The following PTPRN2 variants were observed in gnomAD, a reference collection of about 807,000 sequenced individuals.
The protein encoded by PTPRN2 is receptor-type tyrosine-protein phosphatase N2.
Under a neutral mutation model 118.8 loss-of-function variants are expected in PTPRN2, and 74 were observed. The ratio of observed to expected loss-of-function variants is 0.62; its 90% CI spans 0.52 to 0.76. The LOEUF is 0.76. PTPRN2 is among the 30% of genes least tolerant of loss of function. PTPRN2 has a pLI of 0.00. For synonymous variants in PTPRN2, 641 were observed against 608.0 expected, an observed-to-expected ratio of 1.05 and a Z score of -0.80; for missense variants, 1,481 against 1,394.4, an observed-to-expected ratio of 1.06 and a Z score of -0.99.
At chr7:158,261,537 C>T (rs1461773805) in intron 3 of PTPRN2, among the ~76,000 whole-genome samples, 1 of 152,178 alleles carries the variant, frequency 6.6e-6, no homozygotes, top group Non-Finnish European at 1.5e-5. Flanking sequence ...GAAGGGATGG[C>T]TCCCCTGCCA....
At chr7:158,273,967 T>G (rs1256829141) in intron 3 of PTPRN2, among the ~76,000 whole-genome samples, 4 of 64,584 alleles carry the variant, frequency 6.2e-5, no homozygotes, top group Non-Finnish European at 5.4e-5. Flanking sequence ...CAGACAGACA[T>G]GGGAGGAGCC....
intron 10 of PTPRN2, among the ~76,000 whole-genome samples, chr7:158,099,726 A>C (rs1202398941): frequency 1.2e-3 from 2 of 1,712 alleles, no homozygotes; most frequent in Non-Finnish European, 1.0e-3. Context: ...CCCCCACATC[A>C]CCGGCTGCCT....
At chr7:158,178,798 C>T (rs1324125883) in intron 5 of PTPRN2, among the ~76,000 whole-genome samples, 2 of 151,876 alleles carry the variant, frequency 1.3e-5, no homozygotes, top group African/African-American at 4.8e-5. Flanking sequence ...GAGGTTTCAT[C>T]ATGTTGGCCA....
At chr7:158,270,857 C>CTCCACCTGGATGACCCCCT (rs1406778101) in intron 3 of PTPRN2, among the ~76,000 whole-genome samples, 1 of 31,882 alleles carries the variant, frequency 3.1e-5, no homozygotes, top group Non-Finnish European at 5.7e-5. Context: ...GGACCGCCCC[C>CTCCACCTGGATGACCCCCT]CCACCTGGAC....
rs867391117 is a variant in PTPRN2 at position 158,171,262 on chromosome 7, T to C, written c.550-3971A>G. ...ATACACATATATACACACATATATATACACACATATATACACACATATATA... is the reference window on the plus strand; with the variant it reads ...ATACACATATATACACACATATATACACACACATATATACACACATATATA... On this transcript the variant is annotated intron_variant, in intron 5 of 22. Transcript: ENST00000389418. 2.5e-3 allele frequency among the ~76,000 whole-genome samples: 240 copies of C among 94,998 alleles called. 20 individuals carry two copies. The highest frequency in any genetic ancestry group is 9.3e-3 in the African/African-American group (220 of 23,724). 62.3% of individuals were successfully genotyped at this position (94,998 alleles called of 152,430 possible).
chr7:158,294,967 G>A (rs1413877836), intron 3 of PTPRN2, among the ~76,000 whole-genome samples: 1 of 142,310 alleles, frequency 7.0e-6, no homozygotes, highest in African/African-American at 2.8e-5. Flanking sequence ...CAAGCCCACG[G>A]CGCCCGCTGA....
At chr7:158,395,687 CGCGAGGG>C (rs1345145041) in intron 2 of PTPRN2, among the ~76,000 whole-genome samples, 1 of 6,636 alleles carries the variant, frequency 1.5e-4, no homozygotes, top group Non-Finnish European at 2.6e-4. Flanking sequence ...AGGGGCGAGG[CGCGAGGG>C]GCGAGGGGCG....
At chr7:158,312,727 A>G (rs1228533170) in intron 3 of PTPRN2, among the ~76,000 whole-genome samples, 1 of 2,448 alleles carries the variant, frequency 4.1e-4, no homozygotes, top group Admixed American at 4.8e-3. Flanking sequence ...ATAGATACCC[A>G]CACACACACA....
chr7:158,131,520 C>T (rs111204877), intron 9 of PTPRN2, among the ~76,000 whole-genome samples: 77 of 146,162 alleles, frequency 5.3e-4, no homozygotes, highest in African/African-American at 1.8e-3. Context: ...CTACCCGACA[C>T]ACACACTCAT....
At chr7:157,850,239 G>A (rs894923095) in intron 12 of PTPRN2, among the ~76,000 whole-genome samples, 2 of 152,138 alleles carry the variant, frequency 1.3e-5, no homozygotes, top group African/African-American at 4.8e-5. Context: ...GGAGCCTCAG[G>A]CTCACATAAG....
At chr7:157,568,786 G>A (rs139241491) in intron 21 of PTPRN2, 116 bp downstream of exon 21, 99 of 1,033,654 alleles carry the variant, frequency 9.6e-5, no homozygotes, top group African/African-American at 8.9e-4. Flanking sequence ...GCCCAGCAGA[G>A]GCACAACAAG....
chr7:157,738,939 G>A (rs1448090171), intron 12 of PTPRN2: 1 of 152,224 alleles, frequency 6.6e-6, no homozygotes, highest in South Asian at 2.1e-4. Context: ...TGCAGCCCAG[G>A]AGACAGAGCA....
rs184912887 is a variant in PTPRN2, at chr7:158,525,124, G to A, written c.113-35339C>T. Among the ~76,000 whole-genome samples, 41 of 152,254 alleles carry A rather than the reference G, an allele frequency of 2.7e-4. No homozygotes were observed. In the East Asian group the frequency reaches 5.8e-3, roughly 22 times the overall value. ...GGCCCTCCATGCGAAGAAATGCTGCGTCCCAGGCCCTGCACAGTGCTGGAC... is the reference window on the plus strand; with the variant it reads ...GGCCCTCCATGCGAAGAAATGCTGCATCCCAGGCCCTGCACAGTGCTGGAC... On this transcript the variant is annotated intron_variant, in intron 1 of 22. Coordinates refer to ENST00000389418, the MANE Select transcript of PTPRN2 (RefSeq NM_002847.5). This position sits in a 1 kb window ranked among gnomAD's most constrained non-coding sequence, Gnocchi z 4.1.
chr7:158,080,726 C>A (rs1812756190), intron 11 of PTPRN2, among the ~76,000 whole-genome samples: 1 of 152,184 alleles, frequency 6.6e-6, no homozygotes, highest in African/African-American at 2.4e-5. Context: ...CAAGCTCTAT[C>A]TGTAAGTACA....
rs1796927826 is a variant in PTPRN2 at position 157,893,485 on chromosome 7, T to C, written c.1788+5188A>G. On this transcript the variant is annotated intron_variant, in intron 12 of 22. Coordinates refer to ENST00000389418, the MANE Select transcript of PTPRN2 (RefSeq NM_002847.5). The surrounding 1 kb of genome is among the most constrained non-coding windows in gnomAD (Gnocchi z 4.0). ...GTTAAATAGTCCACTTCACAGATAA[T>C]CTGAGCAGCAATTCAGATTTCCATG... Among the ~76,000 whole-genome samples the C allele has an allele frequency of 6.6e-6, 1 of 152,208 alleles. No homozygotes were observed. Among genetic ancestry groups the C allele is most frequent in the South Asian group, 2.1e-4 (1 of 4,830 alleles).
At position 157,974,772 on chromosome 7, in the gene PTPRN2, C is replaced by T. The variant is rs937945472; in HGVS notation, c.1724-76035G>A. On this transcript the variant is annotated intron_variant, in intron 11 of 22. Transcript: ENST00000389418. The surrounding 1 kb of genome is among the most constrained non-coding windows in gnomAD (Gnocchi z 4.0). ...ATGGTGGATTTGCAAATTTCCAGGG[C>T]GGTGGGGGGTCTGGCAAGTGTAGAC... 3.3e-5 allele frequency among the ~76,000 whole-genome samples: 5 copies of T among 151,574 alleles called. No homozygotes were observed. Among genetic ancestry groups the T allele is most frequent in the East Asian group, 1.9e-4 (1 of 5,140 alleles).
chr7:158,363,403 C>T (rs1336083267), intron 2 of PTPRN2, among the ~76,000 whole-genome samples: 1 of 152,106 alleles, frequency 6.6e-6, no homozygotes, highest in East Asian at 1.9e-4. Context: ...GGAACCACTG[C>T]GAGCCCAATT....
At chr7:158,376,924 TGC>T (rs1810576047) in intron 2 of PTPRN2, among the ~76,000 whole-genome samples, 1 of 24,124 alleles carries the variant, frequency 4.1e-5, no homozygotes, top group Non-Finnish European at 8.9e-5. Context: ...TCACACGTCC[TGC>T]ACGCGGGGTC....
chr7:157,640,825 A>C (rs963954472), intron 14 of PTPRN2, among the ~76,000 whole-genome samples: 1 of 152,376 alleles, frequency 6.6e-6, no homozygotes, highest in Middle Eastern at 3.4e-3. Flanking sequence ...CTAATCTGTT[A>C]TGCAAGTGTG....
Sources: allele counts gnomAD v4.1 joint callset (sites outside exome capture counted in the v4.1 genomes callset), GRCh38; gene constraint gnomAD v4.1.1; non-coding constraint Gnocchi (gnomAD v3.1); transcripts MANE v1.5; gene names NCBI Gene and HGNC (gene_info 2026-07-23, HGNC 2026-07-21).